Variants in MAP3K20 observed in about 807,000 individuals in gnomAD.
MAP3K20 encodes mitogen-activated protein kinase kinase kinase 20.
In MAP3K20, 40 loss-of-function variants were observed where a neutral mutation model predicts 85.7. The ratio of observed to expected loss-of-function variants is 0.47; its 90% CI spans 0.36 to 0.61. MAP3K20 has a LOEUF of 0.61. Ranked by LOEUF, MAP3K20 falls within the 20% of genes least tolerant of loss-of-function variation. MAP3K20 has a pLI of 0.00. For synonymous variants in MAP3K20, 325 were observed against 327.7 expected, an observed-to-expected ratio of 0.99 and a Z score of 0.09; for missense variants, 817 against 961.7, an observed-to-expected ratio of 0.85 and a Z score of 1.99.
At chr2:173,093,679 A>G (rs1204267023) in intron 2 of MAP3K20, among the ~76,000 whole-genome samples, 1 of 152,192 alleles carries the variant, frequency 6.6e-6, no homozygotes, top group Non-Finnish European at 1.5e-5. Context: ...TGCTATAAAG[A>G]CACATGCACA....
intron 9 of MAP3K20, among the ~76,000 whole-genome samples, chr2:173,209,465 A>C (rs1325484762): frequency 2.0e-5 from 3 of 152,232 alleles, no homozygotes; most frequent in Admixed American, 6.5e-5. Context: ...TGGACAAAAA[A>C]CATGAATTAT....
chr2:173,176,848 T>C (rs546896181), intron 3 of MAP3K20, among the ~76,000 whole-genome samples: 68 of 152,174 alleles, frequency 4.5e-4, no homozygotes, highest in Middle Eastern at 3.4e-3. Context: ...AGTAAGAAGA[T>C]AGAAAAAGAT....
chr2:173,220,281 T>A (rs1055105301), intron 11 of MAP3K20, among the ~76,000 whole-genome samples: 9 of 152,170 alleles, frequency 5.9e-5, no homozygotes, highest in Non-Finnish European at 1.2e-4. Flanking sequence ...CAAACATTTA[T>A]GGGAATAAGT....
Position 173,263,836 on chromosome 2 carries a change from T to A in MAP3K20, c.1643T>A (p.Leu548His). ...KPQDEVKAVQ[L>H]AIQTLFTNSD... ...CAGGATGAAGTGAAAGCAGTCCAACTTGCCATTCAGACATTATTCACCAAT... is the reference window on the plus strand; with the variant it reads ...CAGGATGAAGTGAAAGCAGTCCAACATGCCATTCAGACATTATTCACCAAT... Residue 548 changes from leucine (L) to histidine (H), a missense_variant, in exon 19 of 20, where the codon CTT becomes CAT. Leu to His is a moderately conservative substitution (Grantham distance 99). Around this residue, in one of 4 missense-constraint regions of MAP3K20, gnomAD observed 454 missense variants for 476.9 expected, o/e 0.95. Transcript: ENST00000375213. The A allele has an allele frequency of 6.2e-7, 1 of 1,613,652 alleles. No individual in the cohort carries two copies. Among genetic ancestry groups the A allele is most frequent in the East Asian group, 2.2e-5 (1 of 44,856 alleles).
Position 173,084,326 on chromosome 2 carries a change from C to T in MAP3K20, c.-34-6672C>T, listed in dbSNP as rs973917136. On this transcript the variant is annotated intron_variant, in intron 1 of 19. Coordinates refer to ENST00000375213, the MANE Select transcript of MAP3K20 (RefSeq NM_016653.3). ...CAGCAGATAATGTCTGAAAGAAGAC[C>T]GTGGTCACTGGGGAAGGAGGGGATG... 5.3e-5 allele frequency among the ~76,000 whole-genome samples: 8 copies of T among 151,064 alleles called. No homozygotes were observed. The South Asian group carries it at 6.3e-4, about 12-fold the overall frequency.
intron 2 of MAP3K20, among the ~76,000 whole-genome samples, chr2:173,120,651 T>C (rs866716008): frequency 2.6e-5 from 4 of 151,098 alleles, no homozygotes; most frequent in Non-Finnish European, 5.9e-5. Context: ...GTGGGGATCA[T>C]TAATTCTGTG....
At chr2:173,078,042 G>C (rs1229259022) in intron 1 of MAP3K20, among the ~76,000 whole-genome samples, 1 of 152,142 alleles carries the variant, frequency 6.6e-6, no homozygotes, top group African/African-American at 2.4e-5. Flanking sequence ...GTGAATAATC[G>C]AATCATCAGA....
chr2:173,222,002 T>C, intron 11 of MAP3K20: 1 of 985,540 alleles, frequency 1.0e-6, no homozygotes, highest in Non-Finnish European at 1.2e-6. Flanking sequence ...ATATCAGAAA[T>C]GGTTGGCCTG....
At chr2:173,263,675 A>G (rs993353515) in intron 18 of MAP3K20, 70 bp from the exon 19 acceptor site, 3 of 1,449,646 alleles carry the variant, frequency 2.1e-6, no homozygotes, top group Non-Finnish European at 1.9e-6. Flanking sequence ...CATTTTATAT[A>G]TGTGTGTCTA....
chr2:173,119,367 C>T (rs1266265999), intron 2 of MAP3K20, among the ~76,000 whole-genome samples: 1 of 152,192 alleles, frequency 6.6e-6, no homozygotes, highest in Non-Finnish European at 1.5e-5. Context: ...CAAGAGTCTT[C>T]TGGCTGGTGG....
At chr2:173,096,707 G>A (rs1218255028) in intron 2 of MAP3K20, among the ~76,000 whole-genome samples, 7 of 152,298 alleles carry the variant, frequency 4.6e-5, no homozygotes, top group Non-Finnish European at 1.0e-4. Context: ...CTCTCAATAT[G>A]TGGCTGTAGA....
intron 15 of MAP3K20, 90 bp downstream of exon 15, chr2:173,238,525 A>G (rs1278687673): frequency 6.6e-6 from 8 of 1,216,824 alleles, no homozygotes; most frequent in Admixed American, 2.2e-5. Context: ...AATGTCAGTA[A>G]TGGTTGTTTG....
chr2:173,203,112 A>G (rs1683539181), intron 8 of MAP3K20, among the ~76,000 whole-genome samples: 1 of 152,164 alleles, frequency 6.6e-6, no homozygotes, highest in African/African-American at 2.4e-5. Context: ...GTTATACTTA[A>G]AAGTCGGTTG....
intron 16 of MAP3K20, 109 bp from the exon 17 acceptor site, chr2:173,258,590 C>G: frequency 1.7e-6 from 1 of 587,504 alleles, no homozygotes; most frequent in East Asian, 2.9e-5. Flanking sequence ...AAAAAAAAAG[C>G]CACTCCAATA....
At chr2:173,181,444 A>C (rs113045064) in intron 3 of MAP3K20, among the ~76,000 whole-genome samples, 8 of 152,322 alleles carry the variant, frequency 5.3e-5, no homozygotes, top group African/African-American at 1.9e-4. Flanking sequence ...GCAGGAATAT[A>C]AAATGGTAGA....
chr2:173,194,084 T>C (rs970678370), intron 7 of MAP3K20, among the ~76,000 whole-genome samples: 1 of 152,180 alleles, frequency 6.6e-6, no homozygotes, highest in African/African-American at 2.4e-5. Flanking sequence ...AGAAATGCCA[T>C]TTCAGTGAGT....
intron 4 of MAP3K20, among the ~76,000 whole-genome samples, chr2:173,185,524 AG>A (rs1690460178): frequency 6.6e-6 from 1 of 152,166 alleles, no homozygotes; most frequent in Non-Finnish European, 1.5e-5. Flanking sequence ...GAGATTAAGT[AG>A]GAAGCCTTGA....
At chr2:173,174,398 C>T (rs992417872) in intron 3 of MAP3K20, among the ~76,000 whole-genome samples, 3 of 152,148 alleles carry the variant, frequency 2.0e-5, no homozygotes, top group African/African-American at 7.2e-5. Flanking sequence ...TGATGTTCCC[C>T]TCCCTGTGTC....
chr2:173,148,094 G>C (rs1443405125), intron 2 of MAP3K20, among the ~76,000 whole-genome samples: 1 of 152,078 alleles, frequency 6.6e-6, no homozygotes, highest in African/African-American at 2.4e-5. Flanking sequence ...TGTTAGTATG[G>C]TTTTTCTGAA....
Sources: allele counts gnomAD v4.1 joint callset (sites outside exome capture counted in the v4.1 genomes callset), GRCh38; gene constraint gnomAD v4.1.1; regional missense constraint gnomAD v4.1.1; transcripts MANE v1.5; gene names NCBI Gene and HGNC (gene_info 2026-07-23, HGNC 2026-07-21).